The following CA13 variants were observed in gnomAD, a reference collection of about 807,000 sequenced individuals.
The protein encoded by CA13 is CA-XIII.
A neutral mutation model predicts 31.5 loss-of-function variants in CA13; 21 were observed. The ratio of observed to expected loss-of-function variants is 0.67; its 90% confidence interval spans 0.47 to 0.96. The LOEUF is 0.96. Ranked by LOEUF, CA13 falls within the 40% of genes least tolerant of loss-of-function variation. The probability of loss-of-function intolerance (pLI) is 0.00; values close to 1 mark genes in which losing one functional copy is unlikely to be tolerated. For synonymous variants in CA13, 117 were observed against 111.4 expected (o/e 1.05, Z -0.32); for missense variants, 315 against 318.9 (o/e 0.99, Z 0.09).
intron 6 of CA13, among the ~76,000 whole-genome samples, chr8:85,275,006 G>A (rs1807582431): frequency 6.6e-6 from 1 of 152,212 alleles, no homozygotes; most frequent in African/African-American, 2.4e-5. Context: ...GTAGCCATGA[G>A]TATGCCTGGG....
intron 1 of CA13, chr8:85,246,492 A>G (rs943654282): frequency 8.8e-6 from 4 of 455,924 alleles, no homozygotes; most frequent in African/African-American, 6.0e-5. Flanking sequence ...ATTAAGTTAC[A>G]TTGTGGGTTA....
intron 6 of CA13, among the ~76,000 whole-genome samples, chr8:85,278,482 G>C (rs1038361411): frequency 6.6e-6 from 1 of 152,138 alleles, no homozygotes; most frequent in Non-Finnish European, 1.5e-5. Flanking sequence ...GAACTGAGTG[G>C]ACAAGGGGCT....
At chr8:85,262,553 T>C (rs1807398415) in intron 3 of CA13, among the ~76,000 whole-genome samples, 1 of 152,058 alleles carries the variant, frequency 6.6e-6, no homozygotes, top group African/African-American at 2.4e-5. Flanking sequence ...TTGGAGAGGC[T>C]GGGAAGGGCC....
At chr8:85,249,867 A>T (rs1026457982) in intron 1 of CA13, 1 of 448,036 alleles carries the variant, frequency 2.2e-6, no homozygotes, top group Middle Eastern at 3.3e-4. Flanking sequence ...GCAAGACTTT[A>T]TAGAGTCTTC....
At chr8:85,247,496 G>A (rs1813752670) in intron 1 of CA13, among the ~76,000 whole-genome samples, 1 of 152,128 alleles carries the variant, frequency 6.6e-6, no homozygotes, top group Admixed American at 6.6e-5. Flanking sequence ...CTTACTTAAA[G>A]GTGTGGTCTT....
Position 85,259,454 on chromosome 8 carries a change from G to C in CA13, c.269G>C (p.Arg90Thr), listed in dbSNP as rs1476919127. ...LRGGPLTGSY[R>T]LRQVHLHWGS... ...GGTGGTCCTCTCACTGGAAGCTACA[G>C]GTTACGGCAGGTTCACCTTCACTGG... The change falls in exon 3 of 7, where the codon AGG becomes ACG. Residue 90 changes from arginine (R) to threonine (T), a missense_variant. Coordinates refer to ENST00000321764, the MANE Select transcript of CA13 (RefSeq NM_198584.3). The C allele has an allele frequency of 6.2e-7, 1 of 1,614,114 alleles. No individual in the cohort carries two copies. The highest frequency in any genetic ancestry group is 1.7e-5 in the Admixed American group (1 of 60,024).
chr8:85,281,186 G>T, intron 6 of CA13, 44 bp from the exon 7 acceptor site: 1 of 1,596,530 alleles, frequency 6.3e-7, no homozygotes, highest in Non-Finnish European at 8.6e-7. Flanking sequence ...ATTAATATTG[G>T]TGGGAATTTC....
chr8:85,253,215 G>A (rs1176828303), intron 2 of CA13, among the ~76,000 whole-genome samples: 1 of 151,968 alleles, frequency 6.6e-6, no homozygotes, highest in Non-Finnish European at 1.5e-5. Context: ...AAAGTGCTGG[G>A]ATTACAGGCG....
At chr8:85,262,508 T>C (rs1807397777) in intron 3 of CA13, among the ~76,000 whole-genome samples, 1 of 151,894 alleles carries the variant, frequency 6.6e-6, no homozygotes, top group Non-Finnish European at 1.5e-5. Flanking sequence ...TAGTTGGAGC[T>C]TGGAGAATGA....
chr8:85,267,894 G>A lies in CA13; in HGVS notation c.451-8G>A, dbSNP rs1171566481. 4.5e-6 allele frequency: 7 copies of A among 1,569,224 alleles called. No homozygotes were observed. Among genetic ancestry groups the A allele is most frequent in the Non-Finnish European group, 5.2e-6 (6 of 1,143,988 alleles). On this transcript the variant is annotated splice_polypyrimidine_tract_variant and splice_region_variant and intron_variant, in intron 4 of 6. Transcript: ENST00000321764. ...GTAACCATTTCTTTTGAAATTTCAT[G>A]TTTTTAGATTGGTGAACCTAATTCC...
At chr8:85,269,785 A>G (rs182246335) in intron 6 of CA13, among the ~76,000 whole-genome samples, 2 of 152,216 alleles carry the variant, frequency 1.3e-5, no homozygotes, top group Admixed American at 1.3e-4. Flanking sequence ...CCTCACTCCA[A>G]CCTTGAACTC....
At chr8:85,260,172 T>C (rs965872363) in intron 3 of CA13, among the ~76,000 whole-genome samples, 4 of 152,244 alleles carry the variant, frequency 2.6e-5, no homozygotes, top group African/African-American at 9.6e-5. Flanking sequence ...TTTTTCCTTA[T>C]AATTGTATTC....
rs1807740254 is a variant in CA13 at position 85,283,697 on chromosome 8, G to A, written c.*2348G>A. The stretch of plus-strand genomic sequence containing the variant: ...GAACCTGTTTTCTGGAAGAATGTAA[G>A]TTGCTATATGTGGAGGGGCATGTAG... On this transcript the variant is annotated 3_prime_UTR_variant, in exon 7 of 7. Coordinates refer to ENST00000321764, the MANE Select transcript of CA13 (RefSeq NM_198584.3). 6.6e-6 allele frequency: 1 copy of A among 152,608 alleles called. No homozygotes were observed. Among genetic ancestry groups the A allele is most frequent in the Non-Finnish European group, 1.5e-5 (1 of 68,022 alleles). The allele number at this position is 152,608 out of a possible 1,614,324, so 9.5% of individuals were successfully genotyped here.
chr8:85,263,681 G>T (rs1807416889), intron 3 of CA13, among the ~76,000 whole-genome samples: 1 of 152,192 alleles, frequency 6.6e-6, no homozygotes, highest in Non-Finnish European at 1.5e-5. Flanking sequence ...GCAAGTCTGG[G>T]AAGGAGCAGG....
At chr8:85,268,050 T>C (rs985566709) in intron 5 of CA13, 86 bp downstream of exon 5, 2 of 825,528 alleles carry the variant, frequency 2.4e-6, no homozygotes, top group African/African-American at 3.5e-5. Flanking sequence ...AGACATATGC[T>C]GCCTGCTTTG....
At position 85,276,631 on chromosome 8, in the gene CA13, A is replaced by C. The variant is rs567691320; in HGVS notation, c.670-4599A>C. On this transcript the variant is annotated intron_variant, in intron 6 of 6. Transcript: ENST00000321764. ...CTAGCTCAGGGTTTATGAATGCACC[A>C]ATGGACACTCTGTATGTAGCTACTC... is the stretch of plus-strand genomic sequence containing the variant. Among the ~76,000 whole-genome samples, 8 of 152,086 alleles carry C rather than the reference A, an allele frequency of 5.3e-5. No individual in the cohort carries two copies. The East Asian group carries it at 1.4e-3, about 26-fold the overall frequency.
At chr8:85,268,934 C>A (rs536341322) in intron 6 of CA13, among the ~76,000 whole-genome samples, 6 of 152,116 alleles carry the variant, frequency 3.9e-5, no homozygotes, top group Admixed American at 1.3e-4. Flanking sequence ...TATAAACAGG[C>A]TGAGATAAAA....
rs1476639956 is a variant in CA13 at position 85,245,645 on chromosome 8, C to A, written c.-184C>A. ...TCAGCCAGCGGCGCGGGCGCCTTCC[C>A]CGCACGCCTCTGCCGTCTGGAGGAC... On this transcript the variant is annotated 5_prime_UTR_variant, in exon 1 of 7. Coordinates refer to ENST00000321764, the MANE Select transcript of CA13 (RefSeq NM_198584.3). The A allele has an allele frequency of 3.1e-6, 2 of 645,046 alleles. No homozygotes were observed. The highest frequency in any genetic ancestry group is 5.4e-6 in the Non-Finnish European group (2 of 371,954). 40.0% of individuals were successfully genotyped at this position (645,046 alleles called of 1,614,324 possible).
At chr8:85,264,701 T>G (rs1807432756) in intron 3 of CA13, among the ~76,000 whole-genome samples, 1 of 152,208 alleles carries the variant, frequency 6.6e-6, no homozygotes, top group Non-Finnish European at 1.5e-5. Flanking sequence ...CCTAACGAAG[T>G]CATTCTATAT....
Sources: allele counts gnomAD v4.1 joint callset (sites outside exome capture counted in the v4.1 genomes callset), GRCh38; gene constraint gnomAD v4.1.1; transcripts MANE v1.5; gene names NCBI Gene and HGNC (gene_info 2026-07-23, HGNC 2026-07-21).